The following ITK variants were observed in gnomAD, a reference collection of about 807,000 sequenced individuals.
ITK encodes tyrosine-protein kinase ITK/TSK.
Under a neutral mutation model 87.6 loss-of-function variants are expected in ITK, and 45 were observed. The observed-to-expected ratio is 0.51, with a 90% confidence interval of 0.40 to 0.66. ITK has a LOEUF of 0.66. Ranked by LOEUF, ITK falls within the 30% of genes least tolerant of loss-of-function variation. The pLI, the probability that ITK is intolerant of heterozygous loss-of-function variation, is 0.00. For missense variants in ITK, 605 were observed against 766.3 expected (o/e 0.79, Z 2.48); for synonymous variants, 303 against 273.6 (o/e 1.11, Z -1.06).
intron 1 of ITK, among the ~76,000 whole-genome samples, chr5:157,204,682 G>C (rs1169604623): frequency 6.6e-6 from 1 of 151,744 alleles, no homozygotes; most frequent in Non-Finnish European, 1.5e-5. Context: ...CTGGGCGACA[G>C]AGCAAGACTC....
intron 6 of ITK, 105 bp downstream of exon 6, chr5:157,223,119 A>C (rs1754458156): frequency 1.5e-6 from 2 of 1,345,968 alleles, no homozygotes; most frequent in Non-Finnish European, 2.1e-6. Flanking sequence ...CACAGCACTG[A>C]GGTGGGAGAA....
chr5:157,210,198 C>G (rs1370154888), intron 2 of ITK, among the ~76,000 whole-genome samples: 1 of 152,062 alleles, frequency 6.6e-6, no homozygotes, highest in East Asian at 1.9e-4. Flanking sequence ...TTCTACTGAA[C>G]AGAGCTGGTG....
rs1243964949 is a variant in ITK, at chr5:157,243,810, A to C, written c.1232+16A>C. On this transcript the variant is annotated intron_variant, in intron 12 of 16. Coordinates refer to ENST00000422843, the MANE Select transcript of ITK (RefSeq NM_005546.4). ...AAGTAATGATGTGAGTGCTCAGAAC[A>C]AGGATATGCAGAAACTCTGGGGGGA... 34 of 1,611,548 alleles carry C rather than the reference A, an allele frequency of 2.1e-5. No individual in the cohort carries two copies. The highest frequency in any genetic ancestry group is 2.9e-5 in the Non-Finnish European group (34 of 1,177,792).
intron 3 of ITK, 56 bp downstream of exon 3, chr5:157,211,424 TG>T (rs1285057324): frequency 7.2e-7 from 1 of 1,388,360 alleles, no homozygotes. Context: ...ATAGTAGGGT[TG>T]GGTTCCACAA....
chr5:157,209,286 C>T (rs1049929277), intron 2 of ITK, among the ~76,000 whole-genome samples: 2 of 150,086 alleles, frequency 1.3e-5, no homozygotes, highest in Admixed American at 1.3e-4. Flanking sequence ...GAGCCAAGAT[C>T]GTGCCATTCA....
chr5:157,221,220 G>A (rs777752010), intron 5 of ITK, among the ~76,000 whole-genome samples: 1 of 151,844 alleles, frequency 6.6e-6, no homozygotes, highest in Non-Finnish European at 1.5e-5. Flanking sequence ...TTGGCATCTC[G>A]AATGCAACTG....
chr5:157,247,427 T>A (rs1014728304), intron 15 of ITK, among the ~76,000 whole-genome samples: 6 of 152,052 alleles, frequency 3.9e-5, no homozygotes, highest in Non-Finnish European at 8.8e-5. Context: ...TCACTATGGG[T>A]GATGAAACTG....
intron 1 of ITK, among the ~76,000 whole-genome samples, chr5:157,205,051 C>T (rs1754052820): frequency 6.6e-6 from 1 of 152,134 alleles, no homozygotes; most frequent in African/African-American, 2.4e-5. Flanking sequence ...ACCAAGCACG[C>T]TCATATATCA....
chr5:157,235,382 T>C (rs1472669221), intron 8 of ITK, among the ~76,000 whole-genome samples: 1 of 152,204 alleles, frequency 6.6e-6, no homozygotes, highest in African/African-American at 2.4e-5. Flanking sequence ...ATGCCTTCCC[T>C]CGCCCTAGCT....
chr5:157,235,054 C>T (rs1754750351), intron 8 of ITK, among the ~76,000 whole-genome samples: 1 of 152,124 alleles, frequency 6.6e-6, no homozygotes, highest in Non-Finnish European at 1.5e-5. Flanking sequence ...TCCTGCTGTA[C>T]TTAGGCACCC....
chr5:157,237,965 A>C (rs1213144074), intron 8 of ITK, 144 bp from the exon 9 acceptor site: 1 of 692,626 alleles, frequency 1.4e-6, no homozygotes, highest in Non-Finnish European at 2.7e-6. Flanking sequence ...GGAGTAAATG[A>C]AACGGTAGCC....
At chr5:157,229,582 G>C (rs1657118220) in intron 7 of ITK, among the ~76,000 whole-genome samples, 1 of 152,066 alleles carries the variant, frequency 6.6e-6, no homozygotes, top group Non-Finnish European at 1.5e-5. Flanking sequence ...TTAATATCAG[G>C]AAAGACACAA....
chr5:157,248,405 A>T (rs575021230), intron 15 of ITK, among the ~76,000 whole-genome samples: 11 of 152,254 alleles, frequency 7.2e-5, no homozygotes, highest in African/African-American at 1.7e-4. Flanking sequence ...CGTCTTTTTT[A>T]AAAAAATCAG....
chr5:157,217,796 G>A, intron 4 of ITK, 71 bp from the exon 5 acceptor site: 1 of 1,381,278 alleles, frequency 7.2e-7, no homozygotes, highest in South Asian at 1.2e-5. Flanking sequence ...AAAACCCCCT[G>A]GCTGCTCACT....
intron 15 of ITK, among the ~76,000 whole-genome samples, chr5:157,246,801 ATC>A (rs1755028068): frequency 1.3e-5 from 2 of 152,196 alleles, no homozygotes; most frequent in Admixed American, 1.3e-4. Context: ...AACTTGGTGC[ATC>A]CAAAGAACAA....
rs1187681318 is a variant in ITK at position 157,241,722 on chromosome 5, T to C, written c.1060+2T>C. On this transcript the variant is annotated splice_donor_variant, in intron 11 of 16. Coordinates refer to ENST00000422843, the MANE Select transcript of ITK (RefSeq NM_005546.4). LOFTEE classifies it high-confidence loss of function. Reference sequence around the variant, plus strand: ...CAGTTACAGCAGGGCTGAGATACGGTGAGCAGTACAATCAGGAATGTAAAC... The same window carrying C: ...CAGTTACAGCAGGGCTGAGATACGGCGAGCAGTACAATCAGGAATGTAAAC... 1 of 1,610,792 alleles carries C rather than the reference T, an allele frequency of 6.2e-7. No homozygotes were observed. Among genetic ancestry groups the C allele is most frequent in the South Asian group, 1.1e-5 (1 of 91,024 alleles).
Position 157,245,935 on chromosome 5 carries a change from G to A in ITK, c.1569G>A (p.Lys523=), listed in dbSNP as rs1463833830. Residue 523 remains lysine, a synonymous_variant, in exon 15 of 17, where the codon AAG becomes AAA. Transcript: ENST00000422843. ...TSSTGTKFPV[K]WASPEVFSFS... is the part of the protein sequence containing the mutation. Reference sequence around the variant, plus strand: ...CCACAGGCACCAAATTCCCGGTGAAGTGGGCATCCCCAGAGGTTTTCTCTT... The same window carrying A: ...CCACAGGCACCAAATTCCCGGTGAAATGGGCATCCCCAGAGGTTTTCTCTT... 1 of 1,614,184 alleles carries A rather than the reference G, an allele frequency of 6.2e-7. No homozygotes were observed. The highest frequency in any genetic ancestry group is 1.7e-5 in the Admixed American group (1 of 60,028).
At chr5:157,216,678 G>A (rs891724526) in intron 4 of ITK, among the ~76,000 whole-genome samples, 9 of 152,192 alleles carry the variant, frequency 5.9e-5, no homozygotes, top group South Asian at 2.1e-4. Context: ...AAGAAAGAGA[G>A]ACCAGTCATA....
rs1249569394 is a variant in ITK, at chr5:157,253,408, T to A, written c.*730T>A. The A allele has an allele frequency of 2.2e-5, 5 of 226,294 alleles. No homozygotes were observed. Among genetic ancestry groups the A allele is most frequent in the Non-Finnish European group, 4.4e-5 (5 of 113,874 alleles). 14.0% of individuals were successfully genotyped at this position (226,294 alleles called of 1,614,324 possible). ...TGCTTGGAGCATTGGGTATCTGATG[T>A]CTGCACCAGAACAAGAGAACCTCTG... On this transcript the variant is annotated 3_prime_UTR_variant, in exon 17 of 17. Coordinates refer to ENST00000422843, the MANE Select transcript of ITK (RefSeq NM_005546.4).
Sources: allele counts gnomAD v4.1 joint callset (sites outside exome capture counted in the v4.1 genomes callset), GRCh38; gene constraint gnomAD v4.1.1; transcripts MANE v1.5; gene names NCBI Gene and HGNC (gene_info 2026-07-23, HGNC 2026-07-21).